The following TGFA variants were observed in gnomAD, a reference collection of about 807,000 sequenced individuals.
The protein encoded by TGFA is protransforming growth factor alpha.
In TGFA, 12 loss-of-function variants were observed where a neutral mutation model predicts 21.7. The observed-to-expected ratio is 0.55, with a 90% CI of 0.35 to 0.90. The LOEUF (loss-of-function observed/expected upper bound fraction) is 0.90. Among genes scored for constraint, TGFA ranks in the 40% least tolerant of loss-of-function variants. The probability of loss-of-function intolerance (pLI) is 0.01; values close to 1 mark genes in which losing one functional copy is unlikely to be tolerated. For missense variants in TGFA, 178 were observed against 210.8 expected (o/e 0.84, Z 0.96); for synonymous variants, 79 against 88.1 (o/e 0.90, Z 0.58).
intron 2 of TGFA, among the ~76,000 whole-genome samples, chr2:70,501,101 C>T (rs1258766212): frequency 3.9e-5 from 6 of 151,930 alleles, no homozygotes; most frequent in African/African-American, 9.7e-5. Flanking sequence ...ATTTGTTATG[C>T]GATGAGGGTC....
chr2:70,550,770 G>A (rs530848938), intron 1 of TGFA, among the ~76,000 whole-genome samples: 262 of 152,314 alleles, frequency 1.7e-3, no homozygotes, highest in African/African-American at 6.2e-3. Flanking sequence ...GCAGTGAGCC[G>A]AGATCGCGCC....
At chr2:70,453,377 C>G (rs1670122803) in intron 4 of TGFA, 50 bp from the exon 5 acceptor site, 1 of 1,545,116 alleles carries the variant, frequency 6.5e-7, no homozygotes, top group South Asian at 1.1e-5. Context: ...GTAGGAGGGC[C>G]AGGGTGGTAC....
At chr2:70,460,555 C>G (rs1340476709) in intron 3 of TGFA, among the ~76,000 whole-genome samples, 2 of 152,192 alleles carry the variant, frequency 1.3e-5, no homozygotes, top group South Asian at 2.1e-4. Context: ...TCTCACCTGG[C>G]TGCACATTCC....
intron 1 of TGFA, among the ~76,000 whole-genome samples, chr2:70,543,746 A>G (rs1673206312): frequency 6.6e-6 from 1 of 152,172 alleles, no homozygotes; most frequent in Middle Eastern, 3.2e-3. Flanking sequence ...CTTCTTAGCA[A>G]TTTCTTTCAA....
rs200477881 is a variant in TGFA at position 70,514,878 on chromosome 2, G to C, written c.75C>G (p.Asn25Lys). The C allele has an allele frequency of 2.1e-4, 337 of 1,614,076 alleles. 2 individuals are homozygous for C. Among genetic ancestry groups the C allele is most frequent in the Non-Finnish European group, 5.5e-5 (65 of 1,180,016 alleles). ...IVLAACQALE[N>K]STSPLSADPP... is the part of the protein sequence containing the mutation. ...ACTCACCACTCAGCGGGGACGTGCT[G>C]TTCTCCAAGGCCTGGCACGCAGCCA... Residue 25 changes from asparagine (N) to lysine (K), a missense_variant, in exon 2 of 6, where the codon AAC becomes AAG. Asn to Lys is a moderately conservative substitution (Grantham distance 94). Coordinates refer to ENST00000295400, the MANE Select transcript of TGFA (RefSeq NM_003236.4).
intron 2 of TGFA, among the ~76,000 whole-genome samples, chr2:70,488,985 C>T (rs1246011873): frequency 6.6e-6 from 1 of 152,210 alleles, no homozygotes; most frequent in African/African-American, 2.4e-5. Flanking sequence ...TGCTATAATA[C>T]CATACATTGG....
intron 2 of TGFA, among the ~76,000 whole-genome samples, chr2:70,499,162 G>A (rs781880804): frequency 3.3e-5 from 5 of 152,184 alleles, no homozygotes; most frequent in Non-Finnish European, 5.9e-5. Context: ...TTTGCATTTG[G>A]CCTATGAAGC....
At chr2:70,479,819 AG>A (rs1671056507) in intron 2 of TGFA, among the ~76,000 whole-genome samples, 1 of 152,210 alleles carries the variant, frequency 6.6e-6, no homozygotes. Flanking sequence ...CTTGTTTCAT[AG>A]ATGCAGTGTC....
intron 3 of TGFA, among the ~76,000 whole-genome samples, chr2:70,464,103 G>C (rs931593714): frequency 3.3e-5 from 5 of 152,222 alleles, no homozygotes; most frequent in East Asian, 3.9e-4. Context: ...ACCTCAGACA[G>C]AGGAAAGCCC....
chr2:70,450,757 G>T lies in TGFA; in HGVS notation c.*102C>A. The T allele has an allele frequency of 7.3e-7, 1 of 1,371,996 alleles. No individual in the cohort carries two copies. The highest frequency in any genetic ancestry group is 1.0e-6 in the Non-Finnish European group (1 of 980,754). 85.0% of individuals were successfully genotyped at this position (1,371,996 alleles called of 1,614,324 possible). On this transcript the variant is annotated 3_prime_UTR_variant, in exon 6 of 6. Coordinates refer to ENST00000295400, the MANE Select transcript of TGFA (RefSeq NM_003236.4). ...CAGGTGATTACAGGCCAAGTAGGAA[G>T]GTCTGTGGCACACCCAGGCATCTCT...
At chr2:70,497,859 C>A (rs576544135) in intron 2 of TGFA, among the ~76,000 whole-genome samples, 1 of 152,292 alleles carries the variant, frequency 6.6e-6, no homozygotes, top group African/African-American at 2.4e-5. Flanking sequence ...ATGCGCAAAT[C>A]TGTATTTTCA....
chr2:70,480,403 C>A (rs1294026222), intron 2 of TGFA, among the ~76,000 whole-genome samples: 1 of 152,162 alleles, frequency 6.6e-6, no homozygotes, highest in African/African-American at 2.4e-5. Flanking sequence ...AGGGCTGCCA[C>A]CTGCACGCTC....
chr2:70,466,936 A>T (rs1392021875), intron 2 of TGFA, among the ~76,000 whole-genome samples: 1 of 152,162 alleles, frequency 6.6e-6, no homozygotes, highest in African/African-American at 2.4e-5. Flanking sequence ...GCAGGAAGAG[A>T]AAAACCAAAC....
At chr2:70,518,551 G>A (rs181347346) in intron 1 of TGFA, among the ~76,000 whole-genome samples, 2 of 152,294 alleles carry the variant, frequency 1.3e-5, no homozygotes, top group Non-Finnish European at 2.9e-5. Context: ...CCTATGTGCT[G>A]ATGTGTCAAT....
At chr2:70,475,234 A>C (rs1416240044) in intron 2 of TGFA, among the ~76,000 whole-genome samples, 2 of 152,192 alleles carry the variant, frequency 1.3e-5, no homozygotes, top group Non-Finnish European at 2.9e-5. Context: ...GACTATGATG[A>C]TGATGACATT....
intron 1 of TGFA, among the ~76,000 whole-genome samples, chr2:70,535,642 C>T (rs1419474219): frequency 6.6e-6 from 1 of 152,204 alleles, no homozygotes; most frequent in Non-Finnish European, 1.5e-5. Flanking sequence ...TCTGCTCTCA[C>T]TATTAAAAGA....
Position 70,449,191 on chromosome 2 carries a change from A to AC in TGFA, c.*1667_*1668insG, listed in dbSNP as rs1225716166. The stretch of plus-strand genomic sequence containing the variant: ...TCATAGAATTGTCTGAATTATAAAA[A>AC]AAAATAAAGAGAAAATTCATAGAAA... On this transcript the variant is annotated 3_prime_UTR_variant, in exon 6 of 6. Coordinates refer to ENST00000295400, the MANE Select transcript of TGFA (RefSeq NM_003236.4). 22 of 147,532 alleles carry AC rather than the reference A, an allele frequency of 1.5e-4. No individual in the cohort carries two copies. Among genetic ancestry groups the AC allele is most frequent in the African/African-American group, 5.4e-4 (22 of 40,478 alleles). The allele number at this position is 147,532 out of a possible 1,614,324, so 9.1% of individuals were successfully genotyped here.
At chr2:70,463,628 G>A (rs1423832759) in intron 3 of TGFA, among the ~76,000 whole-genome samples, 1 of 152,158 alleles carries the variant, frequency 6.6e-6, no homozygotes, top group African/African-American at 2.4e-5. Flanking sequence ...ACTTGGTAAA[G>A]ACCTGCCCTT....
At chr2:70,458,885 A>G (rs1553491020) in intron 3 of TGFA, among the ~76,000 whole-genome samples, 1 of 152,174 alleles carries the variant, frequency 6.6e-6, no homozygotes, top group African/African-American at 2.4e-5. Flanking sequence ...AGCTCTACAG[A>G]AACCTCCGGT....
Sources: allele counts gnomAD v4.1 joint callset (sites outside exome capture counted in the v4.1 genomes callset), GRCh38; gene constraint gnomAD v4.1.1; transcripts MANE v1.5; gene names NCBI Gene and HGNC (gene_info 2026-07-23, HGNC 2026-07-21).